The following TG variants were observed in gnomAD, a reference collection of about 807,000 sequenced individuals.
TG encodes the protein thyroid hormones.
TG carries 270 observed loss-of-function variants against 324.7 expected under a neutral mutation model. The ratio of observed to expected loss-of-function variants is 0.83; its 90% confidence interval spans 0.75 to 0.92. The LOEUF (loss-of-function observed/expected upper bound fraction) is 0.92, where lower values mean the gene tolerates loss of function less well. Ranked by LOEUF, TG falls within the 40% of genes least tolerant of loss-of-function variation. The probability of loss-of-function intolerance (pLI) is 0.00; values close to 1 mark genes in which losing one functional copy is unlikely to be tolerated. For missense variants in TG, 3,591 were observed against 3,456.4 expected, an observed-to-expected ratio of 1.04 and a Z score of -0.98; for synonymous variants, 1,401 against 1,327.0, an observed-to-expected ratio of 1.06 and a Z score of -1.21.
At chr8:133,031,214 T>C (rs1036318704) in intron 41 of TG, among the ~76,000 whole-genome samples, 10 of 152,208 alleles carry the variant, frequency 6.6e-5, no homozygotes, top group African/African-American at 2.4e-4. Context: ...TGTAATCATG[T>C]AAGATTTGTC....
At chr8:133,098,606 C>T (rs931565080) in intron 43 of TG, among the ~76,000 whole-genome samples, 7 of 152,174 alleles carry the variant, frequency 4.6e-5, no homozygotes, top group Admixed American at 6.5e-5. Flanking sequence ...TGGCCATCTT[C>T]GACTTTTGAA....
chr8:133,077,728 G>GGTGT (rs1362624761), intron 41 of TG, among the ~76,000 whole-genome samples: 13 of 117,972 alleles, frequency 1.1e-4, no homozygotes, highest in African/African-American at 2.9e-4. Flanking sequence ...GGCATTCTCT[G>GGTGT]GTGTGTATGT....
At chr8:133,115,217 A>C (rs1044014078) in intron 44 of TG, among the ~76,000 whole-genome samples, 1 of 152,114 alleles carries the variant, frequency 6.6e-6, no homozygotes, top group African/African-American at 2.4e-5. Flanking sequence ...AGGCAATATC[A>C]CCAAGGGAGG....
intron 5 of TG, among the ~76,000 whole-genome samples, chr8:132,875,694 A>G (rs934590736): frequency 2.6e-5 from 4 of 152,250 alleles, no homozygotes; most frequent in Non-Finnish European, 4.4e-5. Flanking sequence ...CAGAATAAGC[A>G]TTCTTTGTTT....
intron 41 of TG, chr8:133,047,906 G>C (rs367593493): frequency 1.9e-6 from 3 of 1,611,796 alleles, no homozygotes; most frequent in East Asian, 2.2e-5. Context: ...CCTCGGCCTT[G>C]TCTCTGCCCA....
Position 132,869,733 on chromosome 8 carries a change from G to A in TG, c.181G>A (p.Val61Ile). 1 of 1,614,190 alleles carries A rather than the reference G, an allele frequency of 6.2e-7. No homozygotes were observed. The highest frequency in any genetic ancestry group is 2.2e-5 in the East Asian group (1 of 44,880). Residue 61 changes from valine (V) to isoleucine (I), a missense_variant, in exon 3 of 48, where the codon GTC becomes ATC. Physicochemically the swap from Val to Ile is conservative, Grantham distance 29. Transcript: ENST00000220616. ...TGGTCTGTGTCTCCTCCTCAGGACT[G>A]TCCAGTGCCAGAACGACGGCCGCTC... ...QCAEDGSFQT[V>I]QCQNDGRSCW... is the part of the protein sequence containing the mutation.
chr8:133,047,065 T>G (rs2131175483), intron 41 of TG: 1 of 152,274 alleles, frequency 6.6e-6, no homozygotes, highest in South Asian at 2.1e-4. Context: ...GGGATAAACA[T>G]GGTACTCTCC....
At chr8:133,134,651 A>G (rs1852215800) in intron 47 of TG, 25 bp from the exon 48 acceptor site, 1 of 1,607,764 alleles carries the variant, frequency 6.2e-7, no homozygotes, top group Admixed American at 1.7e-5. Context: ...GGCTTGGACC[A>G]ACCTTCCTTG....
intron 36 of TG, 94 bp from the exon 37 acceptor site, chr8:133,013,506 G>A (rs1178984829): frequency 1.4e-6 from 2 of 1,459,792 alleles, no homozygotes; most frequent in Non-Finnish European, 1.9e-6. Flanking sequence ...TGGAAGGGTG[G>A]ATGAGTGGAT....
At position 132,880,287 on chromosome 8, in the gene TG, A is replaced by C. The variant is rs189656137; in HGVS notation, c.639-1576A>C. Among the ~76,000 whole-genome samples the C allele has an allele frequency of 4.0e-3, 615 of 152,294 alleles. 3 individuals carry two copies. Among genetic ancestry groups the C allele is most frequent in the Middle Eastern group, 6.8e-3 (2 of 294 alleles). Reference sequence around the variant, plus strand: ...TCTAAAAGGGGGATTAAAATGTACCACCTTCCTTTTAGGAGTGTTAGGTGG... The same window carrying C: ...TCTAAAAGGGGGATTAAAATGTACCCCCTTCCTTTTAGGAGTGTTAGGTGG... On this transcript the variant is annotated intron_variant, in intron 5 of 47. Coordinates refer to ENST00000220616, the MANE Select transcript of TG (RefSeq NM_003235.5).
intron 35 of TG, among the ~76,000 whole-genome samples, chr8:132,986,883 C>T (rs563315389): frequency 6.6e-6 from 1 of 152,160 alleles, no homozygotes; most frequent in South Asian, 2.1e-4. Flanking sequence ...TACTTGCGAT[C>T]CTTAAGTTTT....
At chr8:132,898,105 T>A in intron 12 of TG, 64 bp from the exon 13 acceptor site, 1 of 1,465,158 alleles carries the variant, frequency 6.8e-7, no homozygotes, top group Non-Finnish European at 9.4e-7. Flanking sequence ...AAGTTGTTTA[T>A]GGGACACTCC....
chr8:132,869,779 A>G lies in TG; in HGVS notation c.227A>G (p.Asn76Ser), dbSNP rs1406860064. ...CGCTCCTGCTGGTGTGTGGGTGCCA[A>G]CGGCAGTGAAGTGCTGGGCAGCAGG... ...DGRSCWCVGA[N>S]GSEVLGSRQP... is the part of the protein sequence containing the mutation. The change falls in exon 3 of 48, where the codon AAC becomes AGC. Residue 76 changes from asparagine (N) to serine (S), a missense_variant. Coordinates refer to ENST00000220616, the MANE Select transcript of TG (RefSeq NM_003235.5). 6.2e-7 allele frequency: 1 copy of G among 1,614,032 alleles called. No homozygotes were observed. Among genetic ancestry groups the G allele is most frequent in the Non-Finnish European group, 8.5e-7 (1 of 1,180,022 alleles).
intron 15 of TG, 147 bp downstream of exon 15, chr8:132,900,486 T>G (rs1187695581): frequency 1.3e-6 from 1 of 755,178 alleles, no homozygotes; most frequent in Admixed American, 2.1e-5. Context: ...CTCAGTTTTC[T>G]CATCTATGAA....
chr8:133,064,904 C>T (rs1842843139), intron 41 of TG, among the ~76,000 whole-genome samples: 1 of 152,114 alleles, frequency 6.6e-6, no homozygotes, highest in South Asian at 2.1e-4. Flanking sequence ...CTTTATCGTG[C>T]ACCGAAGGGG....
chr8:132,960,989 T>C lies in TG; in HGVS notation c.5402-19T>C, dbSNP rs147080073. On this transcript the variant is annotated intron_variant, in intron 27 of 47. Transcript: ENST00000220616. ...GACAGCACACTCAAGCTCATAAAAATAAACATCTTCCTTTGCAGGTCTGAC... is the reference window on the plus strand; with the variant it reads ...GACAGCACACTCAAGCTCATAAAAACAAACATCTTCCTTTGCAGGTCTGAC... 1.9e-6 allele frequency: 3 copies of C among 1,613,616 alleles called. No homozygotes were observed. In the African/African-American group the frequency reaches 4.0e-5, roughly 22 times the overall value.
intron 35 of TG, among the ~76,000 whole-genome samples, chr8:133,004,609 C>T (rs766924773): frequency 3.3e-5 from 5 of 152,080 alleles, no homozygotes; most frequent in African/African-American, 7.2e-5. Flanking sequence ...CATTGTAAAT[C>T]GATATTGTTT....
intron 16 of TG, among the ~76,000 whole-genome samples, chr8:132,903,402 T>C (rs1818209303): frequency 6.6e-6 from 1 of 152,204 alleles, no homozygotes; most frequent in African/African-American, 2.4e-5. Flanking sequence ...TCCTGCCCCA[T>C]GCAGGTGCAG....
intron 8 of TG, among the ~76,000 whole-genome samples, chr8:132,885,770 G>T (rs1314744895): frequency 6.6e-6 from 1 of 152,196 alleles, no homozygotes; most frequent in East Asian, 1.9e-4. Flanking sequence ...GAGGCCAGAA[G>T]TCTGAAATCA....
Sources: gnomAD v4.1 joint callset for allele counts (sites outside exome capture counted in the v4.1 genomes callset) on GRCh38, gnomAD v4.1.1 for gene constraint, MANE v1.5 for transcripts, NCBI Gene and HGNC (gene_info 2026-07-23, HGNC 2026-07-21) for gene names.